The following ARHGAP33 variants were observed in gnomAD, a reference collection of about 807,000 sequenced individuals.
ARHGAP33 encodes rho GTPase-activating protein 33.
In ARHGAP33, 57 loss-of-function variants were observed where a neutral mutation model predicts 126.2. That is an observed-to-expected ratio of 0.45 (90% CI 0.36 to 0.56). ARHGAP33 has a LOEUF of 0.56. ARHGAP33 is among the 20% of genes least tolerant of loss of function. The probability of loss-of-function intolerance (pLI) is 0.00; values close to 1 mark genes in which losing one functional copy is unlikely to be tolerated. For missense variants in ARHGAP33, 1,500 were observed against 1,748.3 expected (o/e 0.86, Z 2.53); for synonymous variants, 711 against 755.0 (o/e 0.94, Z 0.95).
In ARHGAP33 at chr19:35,786,110, C is replaced by T; in HGVS notation, c.1943-303C>T. 1.6e-6 allele frequency: 2 copies of T among 1,266,486 alleles called. No individual in the cohort carries two copies. The highest frequency in any genetic ancestry group is 9.9e-7 in the Non-Finnish European group (1 of 1,005,770). 78.5% of individuals were successfully genotyped at this position (1,266,486 alleles called of 1,614,324 possible). On this transcript the variant is annotated intron_variant, in intron 19 of 20. Coordinates refer to ENST00000007510, the MANE Select transcript of ARHGAP33 (RefSeq NM_001366178.1). The surrounding 1 kb of genome is among the most constrained non-coding windows in gnomAD (Gnocchi z 7.0). The stretch of plus-strand genomic sequence containing the variant: ...GGCTCTTCTGAGCCACCGCGCCATC[C>T]TCACACTCCTGGGGTACTGCCCTCC...
chr19:35,782,647 T>A lies in ARHGAP33; in HGVS notation c.1281T>A (p.Asp427Glu). The change falls in exon 14 of 21, where the codon GAT (aspartate) becomes GAA (glutamate). Residue 427 changes from aspartate to glutamate, a missense_variant. Asp to Glu is a conservative substitution (Grantham distance 45). Transcript: ENST00000007510. This position sits in a 1 kb window ranked among gnomAD's most constrained non-coding sequence, Gnocchi z 4.1. Reference sequence around the variant, plus strand: ...AGGAGCGTCTGGTGCGGGTGCACGATGTCATCCAGCAGCTGCCCCCACCAC... The same window carrying A: ...AGGAGCGTCTGGTGCGGGTGCACGAAGTCATCCAGCAGCTGCCCCCACCAC... The part of the protein sequence containing the change: ...GEEERLVRVH[D>E]VIQQLPPPHY... 1 of 1,613,512 alleles carries A rather than the reference T, an allele frequency of 6.2e-7. No individual in the cohort carries two copies. Among genetic ancestry groups the A allele is most frequent in the South Asian group, 1.1e-5 (1 of 90,992 alleles).
In ARHGAP33 at chr19:35,782,590, A is replaced by G. The variant is rs1971854513; in HGVS notation, c.1231-7A>G. The G allele has an allele frequency of 6.2e-7, 1 of 1,613,794 alleles. No homozygotes were observed. The highest frequency in any genetic ancestry group is 8.5e-7 in the Non-Finnish European group (1 of 1,179,914). ...CCAGACCTCATCACACCTGCCCACC[A>G]TCTCAGGAGGCCATGTCAGTGCCTG... On this transcript the variant is annotated splice_polypyrimidine_tract_variant and splice_region_variant and intron_variant, in intron 13 of 20. Transcript: ENST00000007510. The surrounding 1 kb of genome is among the most constrained non-coding windows in gnomAD (Gnocchi z 4.1).
chr19:35,778,317 C>G lies in ARHGAP33; in HGVS notation c.227C>G (p.Ser76Cys). 2.5e-6 allele frequency: 4 copies of G among 1,614,206 alleles called. No individual in the cohort carries two copies. Among genetic ancestry groups the G allele is most frequent in the Middle Eastern group, 1.6e-4 (1 of 6,062 alleles). Residue 76 changes from serine to cysteine, a missense_variant, in exon 4 of 21, where the codon TCT becomes TGT. Ser to Cys is a moderately radical substitution (Grantham distance 112). Transcript: ENST00000007510. ...CCAGACCGTGAAGGGCCCAGCCTCT[C>G]TGGAGAGAATGAGCTGGTGTTCGGG... Reference protein sequence around the residue: ...LSPDREGPSLSGENELVFGVQ... With the variant: ...LSPDREGPSLCGENELVFGVQ...
chr19:35,784,143 C>A, intron 15 of ARHGAP33, 29 bp from the exon 16 acceptor site: 1 of 1,593,898 alleles, frequency 6.3e-7, no homozygotes, highest in South Asian at 1.1e-5. Context: ...CTCAAGGCAC[C>A]CAGCCTCCCT....
At chr19:35,778,741 C>T (rs1052114534) in intron 5 of ARHGAP33, 140 bp downstream of exon 5, 33 of 1,243,774 alleles carry the variant, frequency 2.7e-5, no homozygotes, top group Non-Finnish European at 3.0e-5. Flanking sequence ...ATGGAGAAGC[C>T]TTAGAAACGT....
chr19:35,786,845 C>A lies in ARHGAP33; in HGVS notation c.2375C>A (p.Ala792Asp). 1 of 1,587,370 alleles carries A rather than the reference C, an allele frequency of 6.3e-7. No homozygotes were observed. The highest frequency in any genetic ancestry group is 8.5e-7 in the Non-Finnish European group (1 of 1,170,018). ...RGPTSPASPA[A>D]LDISEPLAVS... ...CCCACCAGCCCCGCCTCGCCTGCTG[C>A]CCTAGACATCTCAGAGCCCCTGGCT... Residue 792 changes from alanine to aspartate, a missense_variant, in exon 20 of 21, where the codon GCC becomes GAC. Physicochemically the swap from Ala to Asp is moderately radical, Grantham distance 126. This residue lies in a region of ARHGAP33 where 73 missense variants were observed against 110.8 expected (regional missense o/e 0.66). Coordinates refer to ENST00000007510, the MANE Select transcript of ARHGAP33 (RefSeq NM_001366178.1). This position sits in a 1 kb window ranked among gnomAD's most constrained non-coding sequence, Gnocchi z 7.0.
chr19:35,787,472 C>T lies in ARHGAP33; in HGVS notation c.2907C>T (p.Tyr969=), dbSNP rs202090817. Residue 969 remains tyrosine, a synonymous_variant, in exon 21 of 21, where the codon TAC becomes TAT. Transcript: ENST00000007510. The part of the protein sequence containing the change: ...PGAWVPGPPP[Y]LPRQQSDGSL... ...CCTGGGTCCCGGGACCCCCACCCTACTTACCAAGGCAACAAAGTGATGGGA... is the reference window on the plus strand; with the variant it reads ...CCTGGGTCCCGGGACCCCCACCCTATTTACCAAGGCAACAAAGTGATGGGA... 5.6e-6 allele frequency: 9 copies of T among 1,612,568 alleles called. No individual in the cohort carries two copies. In the East Asian group the frequency reaches 2.0e-4, roughly 36 times the overall value.
rs1855133406 is a variant in ARHGAP33, at chr19:35,784,629, C to A, written c.1567+312C>A. On this transcript the variant is annotated intron_variant, in intron 16 of 20. Coordinates refer to ENST00000007510, the MANE Select transcript of ARHGAP33 (RefSeq NM_001366178.1). ...GTCCCCAGACTTGACCCCGCCCCGGCCCCACCCAGACTCCCCGCCCTGCCC... is the reference window on the plus strand; with the variant it reads ...GTCCCCAGACTTGACCCCGCCCCGGACCCACCCAGACTCCCCGCCCTGCCC... 9.5e-6 allele frequency: 11 copies of A among 1,159,210 alleles called. No individual in the cohort carries two copies. In the South Asian group the frequency reaches 2.5e-4, roughly 26 times the overall value. 71.8% of individuals were successfully genotyped at this position (1,159,210 alleles called of 1,614,324 possible).
intron 6 of ARHGAP33, 23 bp downstream of exon 6, chr19:35,779,147 G>C: frequency 1.3e-6 from 2 of 1,542,488 alleles, no homozygotes; most frequent in Non-Finnish European, 1.8e-6. Flanking sequence ...AGGGGGCTTG[G>C]AGATTCCGAG....
rs554372814 is a variant in ARHGAP33, at chr19:35,787,442, G to C, written c.2877G>C (p.Pro959=). 1 of 1,611,984 alleles carries C rather than the reference G, an allele frequency of 6.2e-7. No homozygotes were observed. The highest frequency in any genetic ancestry group is 8.5e-7 in the Non-Finnish European group (1 of 1,179,224). ...SGPPPNSLAH[P]GAWVPGPPPY... ...CACCTCCCAACTCCCTAGCACACCC[G>C]GGTGCCTGGGTCCCGGGACCCCCAC... Residue 959 remains proline (P), a synonymous_variant, in exon 21 of 21, where the codon CCG becomes CCC. Coordinates refer to ENST00000007510, the MANE Select transcript of ARHGAP33 (RefSeq NM_001366178.1).
chr19:35,778,844 C>G (rs1434773178), intron 5 of ARHGAP33, 188 bp from the exon 6 acceptor site: 3 of 770,200 alleles, frequency 3.9e-6, no homozygotes, highest in Admixed American at 5.6e-5. Flanking sequence ...TCATGCCAAC[C>G]AGGGTACTCA....
chr19:35,781,416 C>T (rs768811702), intron 12 of ARHGAP33, among the ~76,000 whole-genome samples, 164 bp downstream of exon 12: 1 of 152,148 alleles, frequency 6.6e-6, no homozygotes, highest in South Asian at 2.1e-4. Flanking sequence ...GCAGTCTAAG[C>T]GAGGACTATC....
chr19:35,775,610 G>C lies in ARHGAP33; in HGVS notation c.-49G>C. On this transcript the variant is annotated 5_prime_UTR_variant, in exon 1 of 21. Transcript: ENST00000007510. ...TGGCGGCGGCAGCGGCGACGAGAAC[G>C]GCGAGCGAGGGGTCGAGCGCGGCCG... 4 of 1,496,170 alleles carry C rather than the reference G, an allele frequency of 2.7e-6. No homozygotes were observed. The highest frequency in any genetic ancestry group is 3.5e-6 in the Non-Finnish European group (4 of 1,127,772). 92.7% of individuals were successfully genotyped at this position (1,496,170 alleles called of 1,614,324 possible).
At position 35,781,084 on chromosome 19, in the gene ARHGAP33, G is replaced by GGGGCCC; in HGVS notation, c.982+12_982+13insGGGCCC. The GGGGCCC allele has an allele frequency of 1.2e-5, 20 of 1,607,274 alleles. No homozygotes were observed. The highest frequency in any genetic ancestry group is 1.6e-5 in the Non-Finnish European group (19 of 1,176,224). On this transcript the variant is annotated intron_variant, in intron 11 of 20. Transcript: ENST00000007510. Reference sequence around the variant, plus strand: ...CTCAGGCCAGGATGGTGAGGCCGGGGCCCACCCACCCCACCCGTCACACCA... The same window carrying GGGGCCC: ...CTCAGGCCAGGATGGTGAGGCCGGGGGGGCCCCCCACCCACCCCACCCGTCACACCA...
intron 1 of ARHGAP33, among the ~76,000 whole-genome samples, chr19:35,777,084 A>G (rs1220648835): frequency 6.6e-6 from 1 of 152,128 alleles, no homozygotes; most frequent in Non-Finnish European, 1.5e-5. Flanking sequence ...AGTGGGGGCA[A>G]TGGGAAGAGA....
In ARHGAP33 at chr19:35,777,845, C is replaced by G. The variant is rs1194409611; in HGVS notation, c.126C>G (p.Pro42=). The part of the protein sequence containing the change: ...PGKRLSAPRG[P]FPRLADCAHF... ...CCAGGCTCTCAGCTCCTCGAGGCCC[C>G]TTCCCGCGGCTGGCTGACTGCGCCC... The change falls in exon 3 of 21, where the codon CCC becomes CCG. Residue 42 remains proline (P), a synonymous_variant. Transcript: ENST00000007510. 1.9e-6 allele frequency: 3 copies of G among 1,614,114 alleles called. No homozygotes were observed. Among genetic ancestry groups the G allele is most frequent in the Admixed American group, 3.3e-5 (2 of 60,008 alleles).
In ARHGAP33 at chr19:35,786,924, C is replaced by T. The variant is rs1459327669; in HGVS notation, c.2454C>T (p.Ala818=). Residue 818 remains alanine (A), a synonymous_variant, in exon 20 of 21, where the codon GCC becomes GCT. Transcript: ENST00000007510. This position sits in a 1 kb window ranked among gnomAD's most constrained non-coding sequence, Gnocchi z 7.0. ...LELLGAGGAP[A]SATPTPALSP... is the part of the protein sequence containing the mutation. ...TGCTGGGGGCTGGGGGAGCACCTGCCTCAGCCACCCCAACACCAGCTCTCA... is the reference window on the plus strand; with the variant it reads ...TGCTGGGGGCTGGGGGAGCACCTGCTTCAGCCACCCCAACACCAGCTCTCA... 1.2e-6 allele frequency: 2 copies of T among 1,610,660 alleles called. No homozygotes were observed. Among genetic ancestry groups the T allele is most frequent in the South Asian group, 1.1e-5 (1 of 90,934 alleles).
In ARHGAP33 at chr19:35,782,366, G is replaced by A. The variant is rs758009182; in HGVS notation, c.1086-7G>A. ...GATCTTCCTCCTCCTTGACACGGTGGTCTCAGGCACGAGTTTGACAGTGAG... is the reference window on the plus strand; with the variant it reads ...GATCTTCCTCCTCCTTGACACGGTGATCTCAGGCACGAGTTTGACAGTGAG... On this transcript the variant is annotated splice_polypyrimidine_tract_variant and splice_region_variant and intron_variant, in intron 12 of 20. Coordinates refer to ENST00000007510, the MANE Select transcript of ARHGAP33 (RefSeq NM_001366178.1). The surrounding 1 kb of genome is among the most constrained non-coding windows in gnomAD (Gnocchi z 4.1). The A allele has an allele frequency of 6.3e-7, 1 of 1,597,882 alleles. No homozygotes were observed. Among genetic ancestry groups the A allele is most frequent in the Admixed American group, 1.7e-5 (1 of 59,694 alleles).
Position 35,778,569 on chromosome 19 carries a change from C to A in ARHGAP33, c.376C>A (p.Pro126Thr), listed in dbSNP as rs767981943. ...DRRFSCLPEL[P>T]PPPEGARAAQ... ...GAGGTTCTCCTGCCTTCCGGAGCTT[C>A]CCCCGCCCCCCGAGGGTGCCAGGGC... Residue 126 changes from proline (P) to threonine (T), a missense_variant, in exon 5 of 21, where the codon CCC (proline) becomes ACC (threonine). Pro to Thr is a conservative substitution (Grantham distance 38). Around this residue, in one of 6 missense-constraint regions of ARHGAP33, gnomAD observed 75 missense variants for 152.7 expected, o/e 0.49. Transcript: ENST00000007510. 1 of 1,613,948 alleles carries A rather than the reference C, an allele frequency of 6.2e-7. No homozygotes were observed. The highest frequency in any genetic ancestry group is 8.5e-7 in the Non-Finnish European group (1 of 1,179,972).
Sources: allele counts gnomAD v4.1 joint callset (sites outside exome capture counted in the v4.1 genomes callset), GRCh38; gene constraint gnomAD v4.1.1; regional missense constraint gnomAD v4.1.1; non-coding constraint Gnocchi (gnomAD v3.1); transcripts MANE v1.5; gene names NCBI Gene and HGNC (gene_info 2026-07-23, HGNC 2026-07-21).